MAP2K2: variants seen among roughly 807,000 people sequenced by gnomAD.
The protein encoded by MAP2K2 is dual specificity mitogen-activated protein kinase kinase 2.
Under a neutral mutation model 43.7 loss-of-function variants are expected in MAP2K2, and 24 were observed. The ratio of observed to expected loss-of-function variants is 0.55; its 90% confidence interval spans 0.40 to 0.77. The LOEUF (loss-of-function observed/expected upper bound fraction) is 0.77, where lower values mean the gene tolerates loss of function less well. Among genes scored for constraint, MAP2K2 ranks in the 30% least tolerant of loss-of-function variants. The probability of loss-of-function intolerance (pLI) is 0.00; values close to 1 mark genes in which losing one functional copy is unlikely to be tolerated. For synonymous variants in MAP2K2, 244 were observed against 239.7 expected (o/e 1.02, Z -0.17); for missense variants, 470 against 566.8 (o/e 0.83, Z 1.73).
intron 9 of MAP2K2, chr19:4,095,170 C>T (rs1484938300): frequency 1.8e-6 from 1 of 553,312 alleles, no homozygotes; most frequent in African/African-American, 1.9e-5. Flanking sequence ...TGCAATCCTG[C>T]TTCACCCCTG....
rs140136082 is a variant in MAP2K2, at chr19:4,110,536, C to T, written c.423G>A (p.Gly141=). The T allele has an allele frequency of 8.1e-6, 13 of 1,613,762 alleles. No homozygotes were observed. In the African/African-American group the frequency reaches 1.7e-4, roughly 22 times the overall value. The change falls in exon 3 of 11, where the codon GGG becomes GGA. Residue 141 remains glycine (G), a synonymous_variant. Transcript: ENST00000262948. ...TGTGTTCCATGCAAATGCTGATCTC[C>T]CCGTCACTGTAGAAGGCCCCGTAGA... is the stretch of plus-strand genomic sequence containing the variant. ...VGFYGAFYSD[G]EISICMEHMD...
intron 2 of MAP2K2, among the ~76,000 whole-genome samples, chr19:4,112,570 G>A (rs2041167218): frequency 6.6e-6 from 1 of 152,162 alleles, no homozygotes; most frequent in Non-Finnish European, 1.5e-5. Flanking sequence ...AAGCATGGCA[G>A]GGCCCGGGGC....
chr19:4,097,228 A>AAT, intron 8 of MAP2K2, 51 bp downstream of exon 8: 14 of 1,131,858 alleles, frequency 1.2e-5, no homozygotes, highest in Non-Finnish European at 1.8e-5. Flanking sequence ...AAAAAAAAAA[A>AAT]GAAAGAAGAA....
rs1365774039 is a variant in MAP2K2 at position 4,117,337 on chromosome 19, C to T, written c.303+82G>A. 57 of 1,320,468 alleles carry T rather than the reference C, an allele frequency of 4.3e-5. No homozygotes were observed. The East Asian group carries it at 5.1e-4, about 12-fold the overall frequency. 81.8% of individuals were successfully genotyped at this position (1,320,468 alleles called of 1,614,324 possible). On this transcript the variant is annotated intron_variant, in intron 2 of 10. Coordinates refer to ENST00000262948, the MANE Select transcript of MAP2K2 (RefSeq NM_030662.4). ...TGGAGCTAATCAGAATGCAGAGACCCGGCTGCCTTCCCAACCTGCCTCCTG... is the reference window on the plus strand; with the variant it reads ...TGGAGCTAATCAGAATGCAGAGACCTGGCTGCCTTCCCAACCTGCCTCCTG...
chr19:4,114,524 C>G (rs538980554), intron 2 of MAP2K2, among the ~76,000 whole-genome samples: 1 of 152,250 alleles, frequency 6.6e-6, no homozygotes, highest in African/African-American at 2.4e-5. Context: ...AGAAGCCCCA[C>G]ACGCGTAACA....
At chr19:4,108,970 C>T (rs1054211671) in intron 3 of MAP2K2, among the ~76,000 whole-genome samples, 6 of 152,190 alleles carry the variant, frequency 3.9e-5, no homozygotes, top group Non-Finnish European at 7.4e-5. Flanking sequence ...GCGGGGCAGA[C>T]GCCAGGTCTC....
At chr19:4,102,662 A>G (rs899202404) in intron 3 of MAP2K2, 25 of 992,490 alleles carry the variant, frequency 2.5e-5, no homozygotes, top group Non-Finnish European at 3.5e-5. Context: ...GGGAAGGAAC[A>G]GGGCCCAGGG....
intron 3 of MAP2K2, among the ~76,000 whole-genome samples, chr19:4,108,710 T>TTGC (rs2041119125): frequency 6.6e-6 from 1 of 151,816 alleles, no homozygotes; most frequent in Non-Finnish European, 1.5e-5. Flanking sequence ...TGGGGGCGGG[T>TTGC]TGCCACACTG....
At chr19:4,091,970 C>T (rs2040859188) in intron 10 of MAP2K2, among the ~76,000 whole-genome samples, 1 of 152,180 alleles carries the variant, frequency 6.6e-6, no homozygotes, top group Non-Finnish European at 1.5e-5. Flanking sequence ...ACTTCAACAG[C>T]CACGTGTGAC....
At position 4,124,070 on chromosome 19, in the gene MAP2K2, G is replaced by C. The variant is rs2041339700; in HGVS notation, c.-195C>G. 1 of 207,476 alleles carries C rather than the reference G, an allele frequency of 4.8e-6. No individual in the cohort carries two copies. The highest frequency in any genetic ancestry group is 5.9e-5 in the Admixed American group (1 of 16,810). 12.9% of individuals were successfully genotyped at this position (207,476 alleles called of 1,614,324 possible). A position where few individuals can be genotyped will look rare whatever the true frequency, so the allele number is the denominator to read the frequency against. On this transcript the variant is annotated 5_prime_UTR_variant, in exon 1 of 11. Coordinates refer to ENST00000262948, the MANE Select transcript of MAP2K2 (RefSeq NM_030662.4). ...GCGCTGGGGCTGAGGCGAGCGAGCC[G>C]CTACCGCTGCCGAGGCCCGAAGAAG...
At chr19:4,093,863 C>T (rs865994367) in intron 10 of MAP2K2, among the ~76,000 whole-genome samples, 22 of 152,234 alleles carry the variant, frequency 1.4e-4, no homozygotes, top group African/African-American at 5.1e-4. Flanking sequence ...AGGTCGCTGA[C>T]GGTGGCTGTG....
intron 2 of MAP2K2, among the ~76,000 whole-genome samples, chr19:4,111,142 G>A (rs1017729448): frequency 2.6e-5 from 4 of 152,166 alleles, no homozygotes; most frequent in Non-Finnish European, 5.9e-5. Context: ...AGGAGGGGAT[G>A]GGGGTGACTG....
At chr19:4,106,743 C>T (rs2145064320) in intron 3 of MAP2K2, among the ~76,000 whole-genome samples, 1 of 152,336 alleles carries the variant, frequency 6.6e-6, no homozygotes, top group African/African-American at 2.4e-5. Flanking sequence ...CCCTCCACTA[C>T]ATGAATAGTG....
chr19:4,098,857 G>A (rs1046450326), intron 7 of MAP2K2, among the ~76,000 whole-genome samples: 8 of 152,376 alleles, frequency 5.3e-5, no homozygotes, highest in Admixed American at 2.6e-4. Context: ...GCTCTGTGGC[G>A]GCCAATTCCT....
At chr19:4,100,978 G>C (rs1243382608) in intron 6 of MAP2K2, 41 bp downstream of exon 6, 3 of 1,550,220 alleles carry the variant, frequency 1.9e-6, no homozygotes, top group African/African-American at 1.4e-5. Flanking sequence ...GGGGAGAGCA[G>C]CAGGGAGGAG....
chr19:4,116,587 G>A (rs547076849), intron 2 of MAP2K2, among the ~76,000 whole-genome samples: 10 of 152,064 alleles, frequency 6.6e-5, no homozygotes, highest in Non-Finnish European at 1.5e-4. Flanking sequence ...CTCTCTGGGC[G>A]ATGTCGTCAC....
At position 4,090,411 on chromosome 19, in the gene MAP2K2, C is replaced by A. The variant is rs781375177; in HGVS notation, c.*187G>T. ...GCAGCGTCGCCCGTCCCCAGAGGCA[C>A]CCCGGCCAGGACGGGCAGGAGAGGA... On this transcript the variant is annotated 3_prime_UTR_variant, in exon 11 of 11. Transcript: ENST00000262948. 76 of 639,528 alleles carry A rather than the reference C, an allele frequency of 1.2e-4. No individual in the cohort carries two copies. Among genetic ancestry groups the A allele is most frequent in the East Asian group, 8.7e-4 (32 of 36,628 alleles). The allele number at this position is 639,528 out of a possible 1,614,324, so 39.6% of individuals were successfully genotyped here.
At chr19:4,119,855 G>T (rs949608430) in intron 1 of MAP2K2, among the ~76,000 whole-genome samples, 1 of 152,234 alleles carries the variant, frequency 6.6e-6, no homozygotes, top group African/African-American at 2.4e-5. Context: ...GGCGTGGACT[G>T]CTCCTTCCAT....
In MAP2K2 at chr19:4,101,175, C is replaced by T. The variant is rs1013169780; in HGVS notation, c.581-32G>A. On this transcript the variant is annotated intron_variant, in intron 5 of 10. Transcript: ENST00000262948. This position sits in a 1 kb window ranked among gnomAD's most constrained non-coding sequence, Gnocchi z 6.3. The stretch of plus-strand genomic sequence containing the variant: ...GCGGCAGGCTGCGGGTGAGGGGCGC[C>T]CAACAGTTGCCTGCCGGCCCCCGGG... The T allele has an allele frequency of 6.2e-7, 1 of 1,601,780 alleles. No individual in the cohort carries two copies. The highest frequency in any genetic ancestry group is 1.3e-5 in the African/African-American group (1 of 74,632).
Sources: gnomAD v4.1 joint callset for allele counts (sites outside exome capture counted in the v4.1 genomes callset) on GRCh38, gnomAD v4.1.1 for gene constraint, Gnocchi (gnomAD v3.1) non-coding constraint, MANE v1.5 for transcripts, NCBI Gene and HGNC (gene_info 2026-07-23, HGNC 2026-07-21) for gene names.